The following ABL1 variants were observed in gnomAD, a reference collection of about 807,000 sequenced individuals.
ABL1 encodes tyrosine-protein kinase ABL1.
Under a neutral mutation model 94.7 loss-of-function variants are expected in ABL1, and 11 were observed. The ratio of observed to expected loss-of-function variants is 0.12; its 90% CI spans 0.07 to 0.19. The LOEUF (loss-of-function observed/expected upper bound fraction) is 0.19, where lower values mean the gene tolerates loss of function less well. Among genes scored for constraint, ABL1 ranks in the 10% least tolerant of loss-of-function variants. The pLI is 1.00. For missense variants in ABL1, 1,082 were observed against 1,489.4 expected (o/e 0.73, Z 4.50); for synonymous variants, 656 against 622.4 (o/e 1.05, Z -0.80).
chr9:130,883,506 A>C (rs1446249504), intron 10 of ABL1, among the ~76,000 whole-genome samples: 2 of 151,896 alleles, frequency 1.3e-5, no homozygotes, highest in East Asian at 3.9e-4. Flanking sequence ...AAAAAAAAAA[A>C]AAAACCACAC....
chr9:130,791,709 C>T (rs1227054086), intron 1 of ABL1, among the ~76,000 whole-genome samples: 8 of 152,134 alleles, frequency 5.3e-5, no homozygotes, highest in Non-Finnish European at 1.0e-4. Flanking sequence ...CAGTGGCTTG[C>T]CAGGGGCTCT....
rs1831435380 is a variant in ABL1, at chr9:130,880,619, A to G, written c.1633A>G (p.Thr545Ala). 1 of 1,613,504 alleles carries G rather than the reference A, an allele frequency of 6.2e-7. No individual in the cohort carries two copies. Among genetic ancestry groups the G allele is most frequent in the Non-Finnish European group, 8.5e-7 (1 of 1,179,806 alleles). The change falls in exon 10 of 11, where the codon ACT becomes GCT. Residue 545 changes from threonine (T) to alanine (A), a missense_variant. By Grantham distance (58) the Thr-to-Ala change is moderately conservative. This residue lies in a region of ABL1 where 780 missense variants were observed against 835.8 expected (regional missense o/e 0.93). Transcript: ENST00000318560. This position sits in a 1 kb window ranked among gnomAD's most constrained non-coding sequence, Gnocchi z 4.4. The stretch of plus-strand genomic sequence containing the variant: ...GAGAGCTGCAGAGCACAGAGACACC[A>G]CTGACGTGCCTGAGATGCCTCACTC... ...SRRAAEHRDT[T>A]DVPEMPHSKG...
chr9:130,864,542 G>C (rs1004305175), intron 4 of ABL1, among the ~76,000 whole-genome samples: 1 of 152,282 alleles, frequency 6.6e-6, no homozygotes, highest in African/African-American at 2.4e-5. Context: ...ACCACACCCG[G>C]CCCTGGACTT....
chr9:130,859,890 A>C (rs532897965), intron 3 of ABL1, among the ~76,000 whole-genome samples: 40 of 151,902 alleles, frequency 2.6e-4, no homozygotes, highest in Non-Finnish European at 4.6e-4. Flanking sequence ...CATGTTGGCC[A>C]GGCTGGTTTC....
Position 130,835,360 on chromosome 9 carries a change from G to C in ABL1, c.-87G>C, listed in dbSNP as rs1330296324. The stretch of plus-strand genomic sequence containing the variant: ...GCTGGCGGGGCCGGGGGCGCCGGGG[G>C]GGCGCGCGGGCCGAGCCGGGCCTGA... On this transcript the variant is annotated 5_prime_UTR_variant, in exon 1 of 11. Transcript: ENST00000318560. The surrounding 1 kb of genome is among the most constrained non-coding windows in gnomAD (Gnocchi z 4.6). The C allele has an allele frequency of 6.8e-6, 5 of 734,294 alleles. No homozygotes were observed. In the Admixed American group the frequency reaches 3.1e-4, roughly 45 times the overall value. The allele number at this position is 734,294 out of a possible 1,614,324, so 45.5% of individuals were successfully genotyped here. A position where few individuals can be genotyped will look rare whatever the true frequency, so the allele number is the denominator to read the frequency against.
intron 1 of ABL1, among the ~76,000 whole-genome samples, chr9:130,848,710 G>A (rs763250671): frequency 6.6e-6 from 1 of 152,216 alleles, no homozygotes; most frequent in Non-Finnish European, 1.5e-5. Flanking sequence ...GCTGAGGCAG[G>A]CTTATCACCT....
Position 130,767,552 on chromosome 9 carries a change from C to T in ABL1, c.136+53097C>T, listed in dbSNP as rs188522924. ...TTCAACATGTTAGCCAGGCTGGTCT[C>T]GAACTCCTGACCTCAGGTGATCCAC... On this transcript the variant is annotated intron_variant, in intron 1 of 10. Transcript: ENST00000372348. Among the ~76,000 whole-genome samples, 292 of 152,306 alleles carry T rather than the reference C, an allele frequency of 1.9e-3. 1 individual carries two copies. Among genetic ancestry groups the T allele is most frequent in the African/African-American group, 5.5e-3 (229 of 41,568 alleles).
At chr9:130,871,792 C>T (rs1831255398) in intron 4 of ABL1, among the ~76,000 whole-genome samples, 1 of 152,218 alleles carries the variant, frequency 6.6e-6, no homozygotes, top group South Asian at 2.1e-4. Flanking sequence ...GGTGTTTGCC[C>T]GTATAGCTCT....
chr9:130,785,549 A>C (rs907464873), intron 1 of ABL1, among the ~76,000 whole-genome samples: 2 of 152,090 alleles, frequency 1.3e-5, no homozygotes, highest in East Asian at 3.9e-4. Context: ...ACATAGTAAT[A>C]TAGTGGGCTC....
Position 130,885,162 on chromosome 9 carries a change from C to A in ABL1, c.2872C>A (p.Pro958Thr). ...CCAGCCGGGAGAGGGCCTCAAAAAG[C>A]CCGTGCTCCCGGCCACTCCAAAGCC... ...PSQPGEGLKK[P>T]VLPATPKPQS... Residue 958 changes from proline to threonine, a missense_variant, in exon 11 of 11, where the codon CCC (proline) becomes ACC (threonine). Transcript: ENST00000318560. The A allele has an allele frequency of 6.2e-7, 1 of 1,613,250 alleles. No homozygotes were observed. The highest frequency in any genetic ancestry group is 8.5e-7 in the Non-Finnish European group (1 of 1,179,948).
At chr9:130,737,813 T>A (rs1397133019) in intron 1 of ABL1, among the ~76,000 whole-genome samples, 1 of 150,912 alleles carries the variant, frequency 6.6e-6, no homozygotes, top group Non-Finnish European at 1.5e-5. Context: ...TAAAACAGCC[T>A]CTGTCTCAGA....
chr9:130,838,570 T>C (rs953707543), intron 1 of ABL1, among the ~76,000 whole-genome samples: 1 of 142,340 alleles, frequency 7.0e-6, no homozygotes. Context: ...TGTGCACATA[T>C]AAGCATTTAT....
chr9:130,810,599 A>C (rs982879651), intron 1 of ABL1, among the ~76,000 whole-genome samples: 3 of 152,008 alleles, frequency 2.0e-5, no homozygotes, highest in African/African-American at 7.3e-5. Context: ...CATAGAAACT[A>C]TCCAAAATGA....
Position 130,880,159 on chromosome 9 carries a change from TA to T in ABL1, c.1513+5del. 1 of 1,613,866 alleles carries T rather than the reference TA, an allele frequency of 6.2e-7. No individual in the cohort carries two copies. The highest frequency in any genetic ancestry group is 1.3e-5 in the African/African-American group (1 of 74,994). ...TCCAGGAATCCAGTATCTCAGACGG[TA>T]AAGTACCCATCCCGGGGTACCTGCA... On this transcript the variant is annotated splice_donor_region_variant and intron_variant, in intron 9 of 10. Coordinates refer to ENST00000318560, the MANE Select transcript of ABL1 (RefSeq NM_005157.6). The surrounding 1 kb of genome is among the most constrained non-coding windows in gnomAD (Gnocchi z 4.4).
rs1052561979 is a variant in ABL1, at chr9:130,835,996, C to G, written c.79+471C>G. Among the ~76,000 whole-genome samples, 5 of 152,208 alleles carry G rather than the reference C, an allele frequency of 3.3e-5. No homozygotes were observed. The highest frequency in any genetic ancestry group is 7.3e-5 in the Non-Finnish European group (5 of 68,044). ...AATTGGGACTGTGTGTTAAAAAGAT[C>G]GACCCGTGTTTGTGAAAACATGCGA... On this transcript the variant is annotated intron_variant, in intron 1 of 10. Coordinates refer to ENST00000318560, the MANE Select transcript of ABL1 (RefSeq NM_005157.6). The surrounding 1 kb of genome is among the most constrained non-coding windows in gnomAD (Gnocchi z 4.6).
chr9:130,884,818 G>A lies in ABL1; in HGVS notation c.2528G>A (p.Gly843Glu), dbSNP rs1831540532. 1.2e-6 allele frequency: 2 copies of A among 1,606,264 alleles called. No homozygotes were observed. Among genetic ancestry groups the A allele is most frequent in the South Asian group, 2.2e-5 (2 of 90,658 alleles). Residue 843 changes from glycine (G) to glutamate (E), a missense_variant, in exon 11 of 11, where the codon GGG (glycine) becomes GAG (glutamate). Coordinates refer to ENST00000318560, the MANE Select transcript of ABL1 (RefSeq NM_005157.6). This position sits in a 1 kb window ranked among gnomAD's most constrained non-coding sequence, Gnocchi z 5.6. ...KEEAGKGSAL[G>E]TPAAAEPVTP... ...GAAGCTGGAAAGGGCAGTGCCTTAG[G>A]GACCCCTGCTGCAGCTGAGCCAGTG...
At chr9:130,740,232 G>A (rs887454180) in intron 1 of ABL1, among the ~76,000 whole-genome samples, 4 of 152,144 alleles carry the variant, frequency 2.6e-5, no homozygotes, top group Non-Finnish European at 4.4e-5. Flanking sequence ...GTTATTAAAG[G>A]CTGTAATTAG....
intron 1 of ABL1, among the ~76,000 whole-genome samples, chr9:130,743,674 A>C (rs893433522): frequency 1.3e-5 from 2 of 152,212 alleles, no homozygotes; most frequent in East Asian, 3.8e-4. Flanking sequence ...TTGGGAGTCC[A>C]GGGAGTTTCC....
intron 1 of ABL1, among the ~76,000 whole-genome samples, chr9:130,767,035 T>G (rs1239682656): frequency 2.0e-5 from 3 of 152,222 alleles, no homozygotes; most frequent in Admixed American, 6.5e-5. Context: ...CTTTTTCCTC[T>G]TAGGGTTCCC....
Sources: gnomAD v4.1 joint callset for allele counts (sites outside exome capture counted in the v4.1 genomes callset) on GRCh38, gnomAD v4.1.1 for gene constraint, gnomAD v4.1.1 regional missense constraint, Gnocchi (gnomAD v3.1) non-coding constraint, MANE v1.5 for transcripts, NCBI Gene and HGNC (gene_info 2026-07-23, HGNC 2026-07-21) for gene names.